The following PAPPA2 variants were observed in gnomAD, a reference collection of about 807,000 sequenced individuals.
PAPPA2 encodes pappalysin-2.
A neutral mutation model predicts 176.4 loss-of-function variants in PAPPA2; 86 were observed. The observed-to-expected ratio is 0.49, with a 90% CI of 0.41 to 0.58. The LOEUF is 0.58. PAPPA2 is among the 20% of genes least tolerant of loss of function. PAPPA2 has a pLI of 0.00. For synonymous variants in PAPPA2, 809 were observed against 852.2 expected (o/e 0.95, Z 0.88); for missense variants, 2,073 against 2,256.9 (o/e 0.92, Z 1.65).
chr1:176,591,081 ACATG>A (rs1158316843), intron 2 of PAPPA2, among the ~76,000 whole-genome samples: 5 of 121,968 alleles, frequency 4.1e-5, no homozygotes, highest in African/African-American at 1.7e-4. Context: ...ATAGTCACAC[ACATG>A]CACACACACA....
At chr1:176,698,656 G>A (rs1660494063) in intron 7 of PAPPA2, among the ~76,000 whole-genome samples, 2 of 152,176 alleles carry the variant, frequency 1.3e-5, no homozygotes, top group Non-Finnish European at 1.5e-5. Context: ...GGGATCTTAG[G>A]GAATGAAAGA....
chr1:176,702,251 A>G (rs1034308597), intron 8 of PAPPA2, among the ~76,000 whole-genome samples: 8 of 152,220 alleles, frequency 5.3e-5, no homozygotes, highest in Admixed American at 5.2e-4. Context: ...GATTACTTTG[A>G]TGATACAGAA....
intron 1 of PAPPA2, among the ~76,000 whole-genome samples, chr1:176,520,909 G>T (rs549916868): frequency 1.3e-5 from 2 of 152,192 alleles, no homozygotes; most frequent in South Asian, 2.1e-4. Context: ...GAGCCCAGGG[G>T]TTTAAGGCCA....
At chr1:176,615,769 G>A (rs566822089) in intron 3 of PAPPA2, among the ~76,000 whole-genome samples, 2 of 152,294 alleles carry the variant, frequency 1.3e-5, no homozygotes, top group African/African-American at 4.8e-5. Flanking sequence ...CATAAAGTGA[G>A]CAGACAAATC....
At chr1:176,469,839 G>T (rs1404625473) in intron 1 of PAPPA2, among the ~76,000 whole-genome samples, 1 of 152,114 alleles carries the variant, frequency 6.6e-6, no homozygotes, top group Non-Finnish European at 1.5e-5. Flanking sequence ...ACATTCCAGG[G>T]CCACAAGCAC....
intron 17 of PAPPA2, among the ~76,000 whole-genome samples, chr1:176,781,035 A>G (rs1223292708): frequency 6.6e-6 from 1 of 152,200 alleles, no homozygotes; most frequent in Non-Finnish European, 1.5e-5. Flanking sequence ...TGTTGGCTGC[A>G]TGGAGAATGG....
At chr1:176,646,868 A>G (rs1657425742) in intron 3 of PAPPA2, among the ~76,000 whole-genome samples, 1 of 151,628 alleles carries the variant, frequency 6.6e-6, no homozygotes, top group African/African-American at 2.4e-5. Flanking sequence ...GCTGTGATAA[A>G]CATGGGAGTG....
intron 1 of PAPPA2, among the ~76,000 whole-genome samples, chr1:176,470,408 T>A (rs1651817274): frequency 6.6e-6 from 1 of 152,166 alleles, no homozygotes; most frequent in Non-Finnish European, 1.5e-5. Flanking sequence ...TTCCCTTAGT[T>A]CCTGGTGAAG....
chr1:176,511,190 A>G (rs1359261572), intron 1 of PAPPA2, among the ~76,000 whole-genome samples: 1 of 152,226 alleles, frequency 6.6e-6, no homozygotes, highest in East Asian at 1.9e-4. Flanking sequence ...TGGAAAAAAT[A>G]TACCATTCAA....
chr1:176,484,992 G>C (rs1057259206), intron 1 of PAPPA2, among the ~76,000 whole-genome samples: 1 of 152,146 alleles, frequency 6.6e-6, no homozygotes, highest in African/African-American at 2.4e-5. Flanking sequence ...AATTTAAGGG[G>C]CAATGGTTTG....
intron 1 of PAPPA2, among the ~76,000 whole-genome samples, chr1:176,536,088 C>T (rs2206507): frequency 0.63 from 96,263 of 151,980 alleles, 32,107 homozygotes; most frequent in East Asian, 0.95. Flanking sequence ...CTGTGAGGTT[C>T]CCCTGTCACG....
intron 1 of PAPPA2, among the ~76,000 whole-genome samples, chr1:176,476,219 T>C (rs1652115529): frequency 6.6e-6 from 1 of 152,174 alleles, no homozygotes; most frequent in African/African-American, 2.4e-5. Flanking sequence ...GTCTGAGTCC[T>C]TAGTGATGTA....
At chr1:176,587,645 T>C (rs896376679) in intron 2 of PAPPA2, among the ~76,000 whole-genome samples, 1 of 152,258 alleles carries the variant, frequency 6.6e-6, no homozygotes, top group Non-Finnish European at 1.5e-5. Context: ...CATTGGTCTT[T>C]ATGTCTGTTT....
intron 2 of PAPPA2, among the ~76,000 whole-genome samples, chr1:176,558,758 A>T (rs765923978): frequency 6.6e-6 from 1 of 152,134 alleles, no homozygotes; most frequent in Non-Finnish European, 1.5e-5. Context: ...CTTGCTTCCT[A>T]GTACCCATCT....
At chr1:176,581,738 C>A (rs552879167) in intron 2 of PAPPA2, among the ~76,000 whole-genome samples, 1 of 151,750 alleles carries the variant, frequency 6.6e-6, no homozygotes, top group East Asian at 1.9e-4. Flanking sequence ...AAATTCCTTT[C>A]TTGATTTCTT....
intron 10 of PAPPA2, among the ~76,000 whole-genome samples, chr1:176,708,886 G>C (rs1661008412): frequency 6.6e-6 from 1 of 151,986 alleles, no homozygotes; most frequent in Non-Finnish European, 1.5e-5. Context: ...TATATACCTA[G>C]GTGTTGTTAT....
chr1:176,552,102 A>T (rs1412630890), intron 1 of PAPPA2, among the ~76,000 whole-genome samples: 2 of 152,010 alleles, frequency 1.3e-5, no homozygotes, highest in East Asian at 1.9e-4. Flanking sequence ...TCCTCCCTTC[A>T]CCTGCCTCTG....
chr1:176,780,940 A>G (rs1446734692), intron 17 of PAPPA2, among the ~76,000 whole-genome samples: 2 of 152,166 alleles, frequency 1.3e-5, no homozygotes, highest in African/African-American at 4.8e-5. Flanking sequence ...TATTGTATAC[A>G]TTTGTGTTTA....
At chr1:176,504,685 C>G (rs1243728370) in intron 1 of PAPPA2, among the ~76,000 whole-genome samples, 4 of 152,126 alleles carry the variant, frequency 2.6e-5, no homozygotes, top group African/African-American at 9.7e-5. Context: ...CATTTCCCCT[C>G]TCTTTGGAAA....
Sources: allele counts gnomAD v4.1 joint callset (sites outside exome capture counted in the v4.1 genomes callset), GRCh38; gene constraint gnomAD v4.1.1; transcripts MANE v1.5; gene names NCBI Gene and HGNC (gene_info 2026-07-23, HGNC 2026-07-21).